PDGFC: variants seen among roughly 807,000 people sequenced by gnomAD.
PDGFC encodes platelet-derived growth factor C.
A neutral mutation model predicts 35.5 loss-of-function variants in PDGFC; 12 were observed. That is an observed-to-expected ratio of 0.34 (90% CI 0.22 to 0.55). The LOEUF is 0.55. Among genes scored for constraint, PDGFC ranks in the 20% least tolerant of loss-of-function variants. The pLI is 0.91. For missense variants in PDGFC, 322 were observed against 412.4 expected (o/e 0.78, Z 1.90); for synonymous variants, 159 against 148.8 (o/e 1.07, Z -0.50).
At chr4:156,800,039 T>C (rs1017071582) in intron 3 of PDGFC, among the ~76,000 whole-genome samples, 1 of 152,178 alleles carries the variant, frequency 6.6e-6, no homozygotes, top group African/African-American at 2.4e-5. Context: ...TGTTTCTTTC[T>C]CAATGATCTT....
At chr4:156,950,992 A>T (rs931311973) in intron 1 of PDGFC, among the ~76,000 whole-genome samples, 1 of 151,870 alleles carries the variant, frequency 6.6e-6, no homozygotes, top group African/African-American at 2.4e-5. Context: ...TTTATAACCT[A>T]AACAAGGAGA....
chr4:156,850,261 C>T lies in PDGFC; in HGVS notation c.274G>A (p.Glu92Lys). 6.3e-7 allele frequency: 1 copy of T among 1,599,066 alleles called. No homozygotes were observed. The highest frequency in any genetic ancestry group is 8.5e-7 in the Non-Finnish European group (1 of 1,172,270). ...TCTGGGTCTTCAAGCCCAAATCTTT[C>T]ATCAAACGTAAGTTGTATCCATACA... ...ENVWIQLTFD[E>K]RFGLEDPEDD... The change falls in exon 2 of 6, where the codon GAA (glutamate) becomes AAA (lysine). Residue 92 changes from glutamate (E) to lysine (K), a missense_variant. By Grantham distance (56) the Glu-to-Lys change is moderately conservative. This residue lies in a region of PDGFC where 120 missense variants were observed against 116.6 expected (regional missense o/e 1.03). Coordinates refer to ENST00000502773, the MANE Select transcript of PDGFC (RefSeq NM_016205.3).
At chr4:156,776,228 G>T (rs1220813160) in intron 3 of PDGFC, among the ~76,000 whole-genome samples, 1 of 152,170 alleles carries the variant, frequency 6.6e-6, no homozygotes, top group Non-Finnish European at 1.5e-5. Context: ...TTAGTATCTA[G>T]AAAATTCTAA....
intron 1 of PDGFC, among the ~76,000 whole-genome samples, chr4:156,902,443 C>T (rs1233364819): frequency 2.0e-5 from 3 of 152,048 alleles, no homozygotes; most frequent in South Asian, 2.1e-4. Context: ...TCTTGAATCT[C>T]GTTTTAATCA....
chr4:156,802,700 GA>G (rs1731647830), intron 3 of PDGFC, among the ~76,000 whole-genome samples: 1 of 152,060 alleles, frequency 6.6e-6, no homozygotes, highest in Non-Finnish European at 1.5e-5. Flanking sequence ...TATACTCTTA[GA>G]AAAGAGATGA....
intron 2 of PDGFC, among the ~76,000 whole-genome samples, chr4:156,837,589 G>A (rs536467882): frequency 6.6e-6 from 1 of 152,252 alleles, no homozygotes; most frequent in South Asian, 2.1e-4. Flanking sequence ...GGCAATTATG[G>A]AAAGTAAGGG....
At chr4:156,933,084 GGGTTGCCTC>G (rs1213010065) in intron 1 of PDGFC, among the ~76,000 whole-genome samples, 3 of 151,798 alleles carry the variant, frequency 2.0e-5, no homozygotes, top group Non-Finnish European at 4.4e-5. Context: ...CTCTGAATCG[GGGTTGCCTC>G]ACCTGTACAA....
intron 1 of PDGFC, among the ~76,000 whole-genome samples, chr4:156,851,491 G>A (rs1309290906): frequency 6.6e-6 from 1 of 152,044 alleles, no homozygotes; most frequent in African/African-American, 2.4e-5. Flanking sequence ...TGAGAGAAAG[G>A]GCAAGTTGGC....
At chr4:156,944,345 C>T (rs967223535) in intron 1 of PDGFC, among the ~76,000 whole-genome samples, 1 of 152,036 alleles carries the variant, frequency 6.6e-6, no homozygotes, top group African/African-American at 2.4e-5. Flanking sequence ...GCACATCTTC[C>T]TCTGTAAATA....
chr4:156,906,007 G>A (rs954105831), intron 1 of PDGFC, among the ~76,000 whole-genome samples: 3 of 152,060 alleles, frequency 2.0e-5, no homozygotes, highest in African/African-American at 7.2e-5. Context: ...TGCTTCATCA[G>A]ATACTTGTGT....
chr4:156,922,978 C>CCT (rs886783334), intron 1 of PDGFC, among the ~76,000 whole-genome samples: 82 of 152,250 alleles, frequency 5.4e-4, no homozygotes, highest in African/African-American at 1.9e-3. Context: ...CAAATTGACC[C>CCT]TTTACTCCAG....
intron 1 of PDGFC, among the ~76,000 whole-genome samples, chr4:156,955,554 T>A (rs1360770278): frequency 6.6e-6 from 1 of 151,918 alleles, no homozygotes; most frequent in Non-Finnish European, 1.5e-5. Flanking sequence ...AAAACCCTAT[T>A]TGCTGATAAA....
intron 3 of PDGFC, among the ~76,000 whole-genome samples, chr4:156,778,540 T>C (rs1730887467): frequency 6.6e-6 from 1 of 152,206 alleles, no homozygotes; most frequent in African/African-American, 2.4e-5. Context: ...TTGTATTTTA[T>C]TATGGCTACC....
intron 2 of PDGFC, among the ~76,000 whole-genome samples, chr4:156,848,788 G>T (rs1729385512): frequency 1.3e-5 from 2 of 151,966 alleles, no homozygotes; most frequent in East Asian, 1.9e-4. Flanking sequence ...GATTATATTT[G>T]CAGTGACAAG....
At chr4:156,941,696 T>C (rs763730685) in intron 1 of PDGFC, among the ~76,000 whole-genome samples, 46 of 152,168 alleles carry the variant, frequency 3.0e-4, no homozygotes, top group Admixed American at 1.4e-3. Flanking sequence ...GGTTAACGAT[T>C]TCTTTTTGGT....
At chr4:156,766,910 G>GA (rs1730553515) in intron 5 of PDGFC, among the ~76,000 whole-genome samples, 1 of 152,028 alleles carries the variant, frequency 6.6e-6, no homozygotes, top group African/African-American at 2.4e-5. Flanking sequence ...TGATGCATAT[G>GA]AAAAATCATT....
intron 1 of PDGFC, among the ~76,000 whole-genome samples, chr4:156,966,636 A>G (rs917197375): frequency 6.6e-6 from 1 of 152,174 alleles, no homozygotes; most frequent in Non-Finnish European, 1.5e-5. Context: ...TATTTAAGAA[A>G]TAAGTTTCAG....
intron 2 of PDGFC, among the ~76,000 whole-genome samples, chr4:156,831,913 G>A (rs1728945759): frequency 6.6e-6 from 1 of 151,906 alleles, no homozygotes. Context: ...ACTTTGATTT[G>A]CTATATACAT....
Position 156,904,249 on chromosome 4 carries a change from A to G in PDGFC, c.119-53833T>C, listed in dbSNP as rs574222981. Among the ~76,000 whole-genome samples the G allele has an allele frequency of 2.6e-5, 4 of 152,142 alleles. No homozygotes were observed. In the South Asian group the frequency reaches 8.3e-4, roughly 32 times the overall value. ...CCCCTGGTGCCCTAATTTAACGTGA[A>G]AAGTCATGGATAAAAGCTGGAAAAA... On this transcript the variant is annotated intron_variant, in intron 1 of 5. Coordinates refer to ENST00000502773, the MANE Select transcript of PDGFC (RefSeq NM_016205.3).
Sources: allele counts gnomAD v4.1 joint callset (sites outside exome capture counted in the v4.1 genomes callset), GRCh38; gene constraint gnomAD v4.1.1; regional missense constraint gnomAD v4.1.1; transcripts MANE v1.5; gene names NCBI Gene and HGNC (gene_info 2026-07-23, HGNC 2026-07-21).